ZMIZ1: variants seen among roughly 807,000 people sequenced by gnomAD.
ZMIZ1 encodes the protein zinc finger MIZ-type containing 1, also known as zinc finger MIZ domain-containing protein 1.
ZMIZ1 carries 17 observed loss-of-function variants against 113.9 expected under a neutral mutation model. That is an observed-to-expected ratio of 0.15 (90% CI 0.10 to 0.22). The LOEUF is 0.22. Among genes scored for constraint, ZMIZ1 ranks in the 10% least tolerant of loss-of-function variants. ZMIZ1 has a pLI of 1.00. For synonymous variants in ZMIZ1, 607 were observed against 603.1 expected (o/e 1.01, Z -0.09); for missense variants, 1,059 against 1,477.8 (o/e 0.72, Z 4.65).
In ZMIZ1 at chr10:79,289,219, A is replaced by G. The variant is rs145454017; in HGVS notation, c.426-556A>G. On this transcript the variant is annotated intron_variant, in intron 8 of 24. Coordinates refer to ENST00000334512, the MANE Select transcript of ZMIZ1 (RefSeq NM_020338.4). ...GTGTGCAGCAGGTAGGCCTGTACCC[A>G]CATTGCTGGGGGCTGGGAAGGAAGG... 6.0e-4 allele frequency among the ~76,000 whole-genome samples: 92 copies of G among 152,238 alleles called. 1 individual carries two copies. In the East Asian group the frequency reaches 8.7e-3, roughly 14 times the overall value.
intron 7 of ZMIZ1, among the ~76,000 whole-genome samples, chr10:79,232,163 G>A (rs111967156): frequency 0.012 from 1,844 of 152,284 alleles, 39 homozygotes; most frequent in African/African-American, 0.041. Flanking sequence ...TGTAACCCTC[G>A]TTTGGTGCTG....
chr10:79,109,437 G>A (rs963827288), intron 1 of ZMIZ1, among the ~76,000 whole-genome samples: 6 of 152,216 alleles, frequency 3.9e-5, no homozygotes, highest in East Asian at 1.9e-4. Context: ...CTCTGTCATC[G>A]TAAATGAGTA....
chr10:79,180,949 C>T (rs979423827), intron 4 of ZMIZ1, among the ~76,000 whole-genome samples: 4 of 152,234 alleles, frequency 2.6e-5, no homozygotes, highest in African/African-American at 9.6e-5. Flanking sequence ...CCTGTGCCTC[C>T]CCAAATCCAG....
At chr10:79,232,439 A>G (rs1481637117) in intron 7 of ZMIZ1, among the ~76,000 whole-genome samples, 2 of 152,148 alleles carry the variant, frequency 1.3e-5, no homozygotes, top group Admixed American at 1.3e-4. Context: ...GGTATACATA[A>G]TAAGTATTGG....
intron 4 of ZMIZ1, among the ~76,000 whole-genome samples, chr10:79,179,293 C>T (rs12098740): frequency 0.022 from 3,323 of 152,324 alleles, 117 homozygotes; most frequent in African/African-American, 0.076. Flanking sequence ...AGAACAGGGG[C>T]TCTGTCTGGG....
intron 1 of ZMIZ1, among the ~76,000 whole-genome samples, chr10:79,081,839 C>T (rs1842670100): frequency 6.6e-6 from 1 of 152,220 alleles, no homozygotes; most frequent in South Asian, 2.1e-4. Context: ...GCATGCTGTC[C>T]AGTATCACTG....
Position 79,296,585 on chromosome 10 carries a change from A to C in ZMIZ1, c.1345A>C (p.Arg449=), listed in dbSNP as rs770712817. ...PLTSPNYPGQ[R]MPSQPSSGQY... The stretch of plus-strand genomic sequence containing the variant: ...CACCTCCCCCAACTACCCAGGACAG[A>C]GGATGCCCAGCCAGCCGAGCTCCGG... The change falls in exon 13 of 25, where the codon AGG becomes CGG. Residue 449 remains arginine (R), a synonymous_variant. Transcript: ENST00000334512. The surrounding 1 kb of genome is among the most constrained non-coding windows in gnomAD (Gnocchi z 4.1). The C allele has an allele frequency of 6.2e-6, 10 of 1,611,720 alleles. No homozygotes were observed. Among genetic ancestry groups the C allele is most frequent in the African/African-American group, 1.3e-5 (1 of 74,676 alleles).
chr10:79,253,827 C>T (rs1017521215), intron 7 of ZMIZ1, among the ~76,000 whole-genome samples: 16 of 152,140 alleles, frequency 1.1e-4, no homozygotes, highest in African/African-American at 3.9e-4. Flanking sequence ...TCCATCATGC[C>T]CTGTGTGGAT....
chr10:79,112,064 A>G lies in ZMIZ1; in HGVS notation c.-336-6851A>G, dbSNP rs75960894. The stretch of plus-strand genomic sequence containing the variant: ...AGTGATTGTGGTGTGGCTGGAGTGT[A>G]GAGGGTGTGAGAGACTTCTAGAAGT... On this transcript the variant is annotated intron_variant, in intron 1 of 24. Transcript: ENST00000334512. Among the ~76,000 whole-genome samples, 412 of 152,332 alleles carry G rather than the reference A, an allele frequency of 2.7e-3. 2 individuals are homozygous for G. The highest frequency in any genetic ancestry group is 9.7e-3 in the African/African-American group (403 of 41,582).
chr10:79,117,219 A>T (rs969548586), intron 1 of ZMIZ1, among the ~76,000 whole-genome samples: 4 of 152,244 alleles, frequency 2.6e-5, no homozygotes, highest in African/African-American at 9.6e-5. Context: ...ACTCACACCG[A>T]ATCCTATTGA....
chr10:79,305,193 G>A lies in ZMIZ1; in HGVS notation c.2316G>A (p.Leu772=). The change falls in exon 20 of 25, where the codon CTG becomes CTA. Residue 772 remains leucine (L), a synonymous_variant. Coordinates refer to ENST00000334512, the MANE Select transcript of ZMIZ1 (RefSeq NM_020338.4). ...QCFDLESYLQ[L]NCERGTWRCP... is the part of the protein sequence containing the mutation. ...TTGATCTGGAGTCATACCTGCAGCTGAATTGCGAGAGAGGGACCTGGAGGT... is the reference window on the plus strand; with the variant it reads ...TTGATCTGGAGTCATACCTGCAGCTAAATTGCGAGAGAGGGACCTGGAGGT... 6.2e-7 allele frequency: 1 copy of A among 1,614,132 alleles called. No individual in the cohort carries two copies. Among genetic ancestry groups the A allele is most frequent in the Non-Finnish European group, 8.5e-7 (1 of 1,180,016 alleles).
At chr10:79,128,565 T>C (rs1009148721) in intron 2 of ZMIZ1, among the ~76,000 whole-genome samples, 6 of 152,198 alleles carry the variant, frequency 3.9e-5, no homozygotes, top group Non-Finnish European at 8.8e-5. Context: ...GAGGCGTGTG[T>C]ACATCATGGG....
chr10:79,210,050 C>T (rs1487777483), intron 6 of ZMIZ1, among the ~76,000 whole-genome samples: 3 of 152,230 alleles, frequency 2.0e-5, no homozygotes, highest in East Asian at 1.9e-4. Flanking sequence ...TCCCCTTCTC[C>T]CTCCGCCCCC....
At position 79,303,936 on chromosome 10, in the gene ZMIZ1, A is replaced by T. The variant is rs1006504571; in HGVS notation, c.2126-79A>T. ...AGGACATGCCCCAGCTGCACGAGGA[A>T]GTGGGGAGCACGTGCAGACCCCCTA... On this transcript the variant is annotated intron_variant, in intron 18 of 24. Transcript: ENST00000334512. 4.5e-6 allele frequency: 7 copies of T among 1,568,754 alleles called. No individual in the cohort carries two copies. In the African/African-American group the frequency reaches 9.5e-5, roughly 21 times the overall value.
intron 7 of ZMIZ1, among the ~76,000 whole-genome samples, chr10:79,238,031 G>A (rs1336016978): frequency 6.6e-6 from 1 of 152,226 alleles, no homozygotes; most frequent in African/African-American, 2.4e-5. Context: ...CTAGCCCTGG[G>A]GGCAGCCCCA....
chr10:79,266,123 C>T (rs1029281350), intron 7 of ZMIZ1, among the ~76,000 whole-genome samples: 4 of 152,232 alleles, frequency 2.6e-5, no homozygotes, highest in Non-Finnish European at 5.9e-5. Flanking sequence ...CTTCAGAGAG[C>T]AGTGCCCACC....
chr10:79,261,026 C>G (rs1422200111), intron 7 of ZMIZ1, among the ~76,000 whole-genome samples: 4 of 152,176 alleles, frequency 2.6e-5, no homozygotes, highest in Admixed American at 2.0e-4. Flanking sequence ...TGGCTCTCTT[C>G]AGGGCAGAGA....
intron 2 of ZMIZ1, among the ~76,000 whole-genome samples, chr10:79,130,851 A>G (rs923818935): frequency 6.6e-6 from 1 of 152,220 alleles, no homozygotes; most frequent in African/African-American, 2.4e-5. Flanking sequence ...GTGAGCTCCC[A>G]TCAGTCATCA....
At chr10:79,115,477 T>A (rs565842567) in intron 1 of ZMIZ1, among the ~76,000 whole-genome samples, 1 of 152,300 alleles carries the variant, frequency 6.6e-6, no homozygotes, top group African/African-American at 2.4e-5. Flanking sequence ...GGTGGCTGCA[T>A]CATCCTATTG....
Sources: gnomAD v4.1 joint callset for allele counts (sites outside exome capture counted in the v4.1 genomes callset) on GRCh38, gnomAD v4.1.1 for gene constraint, Gnocchi (gnomAD v3.1) non-coding constraint, MANE v1.5 for transcripts, NCBI Gene and HGNC (gene_info 2026-07-23, HGNC 2026-07-21) for gene names.